Variants in ENTREP1 observed in about 807,000 individuals in gnomAD.
ENTREP1 encodes the protein endosomal transmembrane epsin interactor 1.
chr9:69,379,281 T>G, the ENTREP1 span, among the ~76,000 whole-genome samples: 1 of 152,168 alleles, frequency 6.6e-6, no homozygotes, highest in Non-Finnish European at 1.5e-5. Flanking sequence ...ACTGTTAGTG[T>G]TCTTTTCAGT....
chr9:69,349,846 A>T, the ENTREP1 span, among the ~76,000 whole-genome samples: 13 of 152,216 alleles, frequency 8.5e-5, no homozygotes, highest in African/African-American at 3.1e-4. Context: ...TACATATCTC[A>T]TGTAACTTAT....
the ENTREP1 span, chr9:69,385,984 G>C: frequency 6.4e-7 from 1 of 1,557,030 alleles, no homozygotes; most frequent in Admixed American, 2.0e-5. Flanking sequence ...AGGGCTGTGT[G>C]CTTATTTGCC....
At chr9:69,343,420 A>C in the ENTREP1 span, among the ~76,000 whole-genome samples, 1 of 152,158 alleles carries the variant, frequency 6.6e-6, no homozygotes, top group Non-Finnish European at 1.5e-5. Context: ...GAATATTTAC[A>C]GGGTTTTAGA....
chr9:69,325,217 T>C, the ENTREP1 span: 1 of 1,029,962 alleles, frequency 9.7e-7, no homozygotes. Context: ...CCGTCTGCAG[T>C]GCCCAGTGTG....
chr9:69,375,616 G>A, the ENTREP1 span: 3 of 755,536 alleles, frequency 4.0e-6, no homozygotes, highest in East Asian at 8.0e-5. Flanking sequence ...GACTGATAGA[G>A]GCATTGCCTG....
At chr9:69,340,678 CAT>C in the ENTREP1 span, among the ~76,000 whole-genome samples, 3 of 22,544 alleles carry the variant, frequency 1.3e-4, no homozygotes, top group African/African-American at 5.3e-4. Context: ...TGTGTGTGTG[CAT>C]GCATGTGTGT....
the ENTREP1 span, among the ~76,000 whole-genome samples, chr9:69,333,895 GCACATGCATA>G: frequency 6.6e-6 from 1 of 152,198 alleles, no homozygotes; most frequent in Non-Finnish European, 1.5e-5. Context: ...ACACATGCAA[GCACATGCATA>G]CACACATACA....
At chr9:69,376,176 G>A in the ENTREP1 span, among the ~76,000 whole-genome samples, 3 of 152,070 alleles carry the variant, frequency 2.0e-5, no homozygotes, top group African/African-American at 4.8e-5. Flanking sequence ...ATATGCATAC[G>A]TACATATGTA....
the ENTREP1 span, chr9:69,392,030 T>C: frequency 8.7e-6 from 5 of 576,296 alleles, no homozygotes; most frequent in Non-Finnish European, 1.6e-5. Flanking sequence ...TTATGAAAGC[T>C]TTGATCCTCT....
chr9:69,325,832 G>A, the ENTREP1 span: 7 of 1,206,084 alleles, frequency 5.8e-6, no homozygotes, highest in Non-Finnish European at 7.2e-6. Flanking sequence ...AGTTGGGGGA[G>A]CCTCACGCCA....
chr9:69,350,361 G>A, the ENTREP1 span, among the ~76,000 whole-genome samples: 3 of 152,032 alleles, frequency 2.0e-5, no homozygotes, highest in Non-Finnish European at 4.4e-5. Flanking sequence ...ATCTTGATAC[G>A]TTTGTTGAAA....
chr9:69,332,302 C>T, the ENTREP1 span, among the ~76,000 whole-genome samples: 5 of 152,292 alleles, frequency 3.3e-5, no homozygotes, highest in Middle Eastern at 3.4e-3. Context: ...CTATAGCTCC[C>T]GCCTGGAGCT....
At chr9:69,377,017 G>A in the ENTREP1 span, among the ~76,000 whole-genome samples, 1 of 152,136 alleles carries the variant, frequency 6.6e-6, no homozygotes, top group East Asian at 1.9e-4. Context: ...CTATCCCTGG[G>A]GAAATCAGCC....
At chr9:69,326,398 T>C in the ENTREP1 span, among the ~76,000 whole-genome samples, 4 of 152,112 alleles carry the variant, frequency 2.6e-5, no homozygotes, top group Admixed American at 6.5e-5. Context: ...AACCGGGACC[T>C]GTCATTATGG....
chr9:69,389,972 TAGAAGGAGGTAAGAACACC>T, the ENTREP1 span, among the ~76,000 whole-genome samples: 1 of 152,142 alleles, frequency 6.6e-6, no homozygotes, highest in African/African-American at 2.4e-5. Flanking sequence ...TTTTCCCTGG[TAGAAGGAGGTAAGAACACC>T]AGAAGGAGGT....
chr9:69,358,164 C>A, the ENTREP1 span, among the ~76,000 whole-genome samples: 2 of 152,146 alleles, frequency 1.3e-5, no homozygotes, highest in African/African-American at 4.8e-5. Flanking sequence ...ACCCACCTAC[C>A]ATTCTCACTT....
the ENTREP1 span, among the ~76,000 whole-genome samples, chr9:69,349,704 G>A: frequency 1.3e-5 from 2 of 152,166 alleles, no homozygotes; most frequent in Admixed American, 6.6e-5. Flanking sequence ...AATATTGTAA[G>A]TGAAAAATGT....
the ENTREP1 span, among the ~76,000 whole-genome samples, chr9:69,369,030 T>G: frequency 1.3e-5 from 2 of 152,092 alleles, no homozygotes; most frequent in Non-Finnish European, 2.9e-5. Flanking sequence ...CCTCCCTGTG[T>G]CCATGTGTTC....
chr9:69,369,825 C>G, the ENTREP1 span, among the ~76,000 whole-genome samples: 1 of 152,078 alleles, frequency 6.6e-6, no homozygotes, highest in African/African-American at 2.4e-5. Flanking sequence ...TGCTTATTGG[C>G]TATTCTTATA....
Sources: allele counts gnomAD v4.1 joint callset (sites outside exome capture counted in the v4.1 genomes callset), GRCh38; gene constraint gnomAD v4.1.1; transcripts MANE v1.5; gene names NCBI Gene and HGNC (gene_info 2026-07-23, HGNC 2026-07-21).